NOP58: variants seen among roughly 807,000 people sequenced by gnomAD.
The protein encoded by NOP58 is nucleolar protein 58.
Under a neutral mutation model 71.2 loss-of-function variants are expected in NOP58, and 44 were observed. That is an observed-to-expected ratio of 0.62 (90% CI 0.49 to 0.79). NOP58 has a LOEUF of 0.79. Among genes scored for constraint, NOP58 ranks in the 30% least tolerant of loss-of-function variants. The pLI is 0.00. For synonymous variants in NOP58, 228 were observed against 200.3 expected, an observed-to-expected ratio of 1.14 and a Z score of -1.17; for missense variants, 538 against 620.2, an observed-to-expected ratio of 0.87 and a Z score of 1.41.
chr2:202,283,587 C>T (rs1314654153), intron 4 of NOP58, among the ~76,000 whole-genome samples: 1 of 151,906 alleles, frequency 6.6e-6, no homozygotes, highest in African/African-American at 2.4e-5. Flanking sequence ...ACTATAGGCA[C>T]CTGCCACCAC....
At chr2:202,294,587 AACAT>A (rs1323071405) in intron 9 of NOP58, among the ~76,000 whole-genome samples, 1 of 152,164 alleles carries the variant, frequency 6.6e-6, no homozygotes, top group Non-Finnish European at 1.5e-5. Context: ...TTTTTTCCTA[AACAT>A]ACATATCTAT....
At chr2:202,270,606 GA>G (rs950983925) in intron 1 of NOP58, among the ~76,000 whole-genome samples, 2 of 151,488 alleles carry the variant, frequency 1.3e-5, no homozygotes, top group Non-Finnish European at 2.9e-5. Flanking sequence ...CAACATGGCG[GA>G]AAAAAAATTA....
chr2:202,267,672 A>G (rs1027258502), intron 1 of NOP58, among the ~76,000 whole-genome samples: 1 of 152,172 alleles, frequency 6.6e-6, no homozygotes, highest in African/African-American at 2.4e-5. Context: ...TTGCCGTAGT[A>G]TACTGTCCTG....
chr2:202,288,425 A>G (rs1688828563), intron 6 of NOP58, among the ~76,000 whole-genome samples: 1 of 150,762 alleles, frequency 6.6e-6, no homozygotes, highest in Admixed American at 6.6e-5. Flanking sequence ...CAGAGGTTGT[A>G]GTGAGTTGAT....
intron 1 of NOP58, among the ~76,000 whole-genome samples, chr2:202,272,634 A>G (rs1248304080): frequency 6.6e-6 from 1 of 152,226 alleles, no homozygotes; most frequent in African/African-American, 2.4e-5. Flanking sequence ...GAGACACCTC[A>G]CCAAGTCTCA....
At chr2:202,288,909 G>A (rs760686829) in intron 6 of NOP58, among the ~76,000 whole-genome samples, 2 of 151,922 alleles carry the variant, frequency 1.3e-5, no homozygotes, top group African/African-American at 2.4e-5. Flanking sequence ...GCCTGAGCTC[G>A]GGAGTTTGAG....
At chr2:202,302,083 C>CTTTCTTTTTTTTTTT (rs1689102100) in intron 13 of NOP58, among the ~76,000 whole-genome samples, 1 of 90,588 alleles carries the variant, frequency 1.1e-5, no homozygotes, top group Non-Finnish European at 2.1e-5. Context: ...TTTTTTTTTT[C>CTTTCTTTTTTTTTTT]TTTTTTTTTT....
chr2:202,294,336 CA>C (rs1231907557), intron 9 of NOP58, among the ~76,000 whole-genome samples: 5,602 of 71,424 alleles, frequency 0.078, 250 homozygotes, highest in African/African-American at 0.25. Context: ...AACTCCATCT[CA>C]AAAAAAAAAA....
intron 6 of NOP58, 50 bp from the exon 7 acceptor site, chr2:202,290,273 C>G (rs1347137048): frequency 6.8e-7 from 1 of 1,474,372 alleles, no homozygotes; most frequent in African/African-American, 1.5e-5. Context: ...GTATGTTTTA[C>G]CACAATAAAT....
chr2:202,286,275 C>T lies in NOP58; in HGVS notation c.435-1385C>T, dbSNP rs12612599. Among the ~76,000 whole-genome samples the T allele has an allele frequency of 4.6e-5, 7 of 151,468 alleles. No homozygotes were observed. The East Asian group carries it at 1.2e-3, about 25-fold the overall frequency. On this transcript the variant is annotated intron_variant, in intron 5 of 14. Transcript: ENST00000264279. ...ATCCCAGCACTTTGCGAGGCTGAGG[C>T]AGGTGAATCATGAGGTCAGGAGATC...
At chr2:202,295,103 G>A (rs1688970052) in intron 9 of NOP58, among the ~76,000 whole-genome samples, 1 of 152,202 alleles carries the variant, frequency 6.6e-6, no homozygotes, top group African/African-American at 2.4e-5. Context: ...GGGGGGAGCT[G>A]AGTGGGATAG....
At chr2:202,274,343 C>T (rs1191872168) in intron 1 of NOP58, among the ~76,000 whole-genome samples, 2 of 151,824 alleles carry the variant, frequency 1.3e-5, no homozygotes, top group African/African-American at 4.8e-5. Context: ...TCTCCTGCCT[C>T]AGCCTCCCGA....
At chr2:202,295,100 G>A (rs1397095362) in intron 9 of NOP58, among the ~76,000 whole-genome samples, 1 of 152,198 alleles carries the variant, frequency 6.6e-6, no homozygotes, top group Non-Finnish European at 1.5e-5. Context: ...CCTGGGGGGA[G>A]CTGAGTGGGA....
At chr2:202,285,939 A>C (rs1026251533) in intron 5 of NOP58, among the ~76,000 whole-genome samples, 2 of 152,188 alleles carry the variant, frequency 1.3e-5, no homozygotes, top group Non-Finnish European at 2.9e-5. Context: ...TCACGCCTGT[A>C]ATCCCAACAC....
chr2:202,284,034 C>T (rs2105845542), intron 4 of NOP58, among the ~76,000 whole-genome samples: 1 of 152,126 alleles, frequency 6.6e-6, no homozygotes, highest in African/African-American at 2.4e-5. Context: ...GTAATCCCAG[C>T]ACTTTGGGAA....
At chr2:202,288,235 A>C (rs1574384024) in intron 6 of NOP58, among the ~76,000 whole-genome samples, 1 of 152,184 alleles carries the variant, frequency 6.6e-6, no homozygotes, top group Non-Finnish European at 1.5e-5. Flanking sequence ...CTGTAATCCC[A>C]GCACTTTGAG....
At chr2:202,273,572 AAAC>A (rs1688543056) in intron 1 of NOP58, among the ~76,000 whole-genome samples, 2 of 152,242 alleles carry the variant, frequency 1.3e-5, no homozygotes, top group Non-Finnish European at 2.9e-5. Context: ...ACTAGTTTTA[AAAC>A]AAGTCTTTAT....
Position 202,265,941 on chromosome 2 carries a change from C to G in NOP58, c.-1C>G. 1 of 1,614,194 alleles carries G rather than the reference C, an allele frequency of 6.2e-7. No homozygotes were observed. The highest frequency in any genetic ancestry group is 8.5e-7 in the Non-Finnish European group (1 of 1,180,038). On this transcript the variant is annotated 5_prime_UTR_variant, in exon 1 of 15. Coordinates refer to ENST00000264279, the MANE Select transcript of NOP58 (RefSeq NM_015934.5). The stretch of plus-strand genomic sequence containing the variant: ...GTGCGGCGCCCTGACCCGGCCTCAC[C>G]ATGTTGGTGCTGTTTGAAACGTCTG...
At chr2:202,276,650 G>A (rs989294062) in intron 2 of NOP58, 1 of 301,734 alleles carries the variant, frequency 3.3e-6, no homozygotes, top group Non-Finnish European at 6.8e-6. Context: ...GACCAGCCTG[G>A]GCAATATAGG....
Sources: allele counts gnomAD v4.1 joint callset (sites outside exome capture counted in the v4.1 genomes callset), GRCh38; gene constraint gnomAD v4.1.1; transcripts MANE v1.5; gene names NCBI Gene and HGNC (gene_info 2026-07-23, HGNC 2026-07-21).